Variants in CDC14A observed in about 807,000 individuals in gnomAD.
CDC14A encodes cell division cycle 14A.
In CDC14A, 53 loss-of-function variants were observed where a neutral mutation model predicts 74.4. The ratio of observed to expected loss-of-function variants is 0.71; its 90% confidence interval spans 0.57 to 0.89. The LOEUF (loss-of-function observed/expected upper bound fraction) is 0.89. Ranked by LOEUF, CDC14A falls within the 40% of genes least tolerant of loss-of-function variation. The pLI, the probability that CDC14A is intolerant of heterozygous loss-of-function variation, is 0.00. For synonymous variants in CDC14A, 247 were observed against 258.4 expected, an observed-to-expected ratio of 0.96 and a Z score of 0.43; for missense variants, 646 against 713.7, an observed-to-expected ratio of 0.91 and a Z score of 1.08.
intron 4 of CDC14A, among the ~76,000 whole-genome samples, chr1:100,416,912 GT>G (rs992686512): frequency 1.3e-5 from 2 of 152,138 alleles, no homozygotes; most frequent in African/African-American, 4.8e-5. Flanking sequence ...CTGTGTCTAT[GT>G]CATGCTTCCC....
chr1:100,517,314 A>T (rs1470155115), intron 15 of CDC14A, among the ~76,000 whole-genome samples: 1 of 152,252 alleles, frequency 6.6e-6, no homozygotes, highest in Non-Finnish European at 1.5e-5. Flanking sequence ...CCTGTTAATG[A>T]AATGTTACAG....
intron 4 of CDC14A, among the ~76,000 whole-genome samples, chr1:100,412,528 C>T (rs1660847558): frequency 6.7e-6 from 1 of 149,054 alleles, no homozygotes; most frequent in Non-Finnish European, 1.5e-5. Flanking sequence ...ACCAGGAAAC[C>T]TGCCATTCAA....
chr1:100,482,004 C>T (rs1430808675), intron 10 of CDC14A, among the ~76,000 whole-genome samples: 2 of 152,192 alleles, frequency 1.3e-5, no homozygotes, highest in African/African-American at 2.4e-5. Context: ...TTGCGTACAG[C>T]ATTGCTTAGC....
chr1:100,412,724 T>TATATATATATA (rs1660956964), intron 4 of CDC14A, among the ~76,000 whole-genome samples: 1 of 75,362 alleles, frequency 1.3e-5, no homozygotes, highest in African/African-American at 1.3e-4. Context: ...ATATATATAT[T>TATATATATATA]TTATATATAT....
At chr1:100,509,569 T>G (rs1649538665) in intron 15 of CDC14A, among the ~76,000 whole-genome samples, 1 of 152,216 alleles carries the variant, frequency 6.6e-6, no homozygotes, top group Non-Finnish European at 1.5e-5. Context: ...TGTCAGATCT[T>G]TAACTTAGAA....
intron 9 of CDC14A, among the ~76,000 whole-genome samples, chr1:100,464,328 C>T (rs1192930963): frequency 6.7e-6 from 1 of 148,186 alleles, no homozygotes; most frequent in Admixed American, 6.7e-5. Flanking sequence ...GGCGTGGAGT[C>T]TGTTAGGAAG....
intron 3 of CDC14A, among the ~76,000 whole-genome samples, chr1:100,382,413 G>GTTTTTTTTTTTTTTT (rs1557699718): frequency 8.4e-6 from 1 of 119,438 alleles, no homozygotes; most frequent in African/African-American, 3.8e-5. Context: ...TTTTTTTTTA[G>GTTTTTTTTTTTTTTT]TTTTTGTAGA....
At chr1:100,436,984 C>T (rs1664415589) in intron 5 of CDC14A, among the ~76,000 whole-genome samples, 1 of 152,046 alleles carries the variant, frequency 6.6e-6, no homozygotes, top group Admixed American at 6.6e-5. Context: ...TCAGGAGTTC[C>T]AGACCAGTCT....
rs143117380 is a variant in CDC14A, at chr1:100,499,042, C to T, written c.1535C>T (p.Pro512Leu). The T allele has an allele frequency of 1.1e-4, 171 of 1,614,026 alleles. 1 individual carries two copies. The highest frequency in any genetic ancestry group is 5.5e-5 in the South Asian group (5 of 91,088). Residue 512 changes from proline to leucine, a missense_variant, in exon 15 of 16, where the codon CCG becomes CTG. Physicochemically the swap from Pro to Leu is moderately conservative, Grantham distance 98 (BLOSUM62 -3). Transcript: ENST00000336454. The stretch of plus-strand genomic sequence containing the variant: ...TCTAAGGCAGGCTTCACAGCCAGCC[C>T]GTTTACCAACCTCTTGAATGGCAGC... ...SSSKAGFTAS[P>L]FTNLLNGSSQ...
intron 9 of CDC14A, among the ~76,000 whole-genome samples, chr1:100,463,847 C>T (rs1204401221): frequency 3.9e-5 from 6 of 152,098 alleles, no homozygotes; most frequent in Admixed American, 1.3e-4. Context: ...TCACTAGGGC[C>T]GCCCTGGGCT....
chr1:100,377,865 T>TAAGA (rs1382748811), intron 3 of CDC14A, among the ~76,000 whole-genome samples: 1 of 152,350 alleles, frequency 6.6e-6, no homozygotes, highest in South Asian at 2.1e-4. Flanking sequence ...AATAGTGATC[T>TAAGA]AAGAAAGAAA....
chr1:100,449,968 T>C (rs958480815), intron 7 of CDC14A, among the ~76,000 whole-genome samples: 1 of 152,202 alleles, frequency 6.6e-6, no homozygotes, highest in Non-Finnish European at 1.5e-5. Flanking sequence ...CTTCAAATGA[T>C]GTTTCTTTTA....
At chr1:100,483,798 A>G (rs928138943) in intron 10 of CDC14A, among the ~76,000 whole-genome samples, 9 of 151,984 alleles carry the variant, frequency 5.9e-5, no homozygotes, top group African/African-American at 1.4e-4. Flanking sequence ...GTAGGTTTTT[A>G]AAGTTATGTG....
At chr1:100,443,615 A>G (rs1022522606) in intron 7 of CDC14A, among the ~76,000 whole-genome samples, 1 of 152,052 alleles carries the variant, frequency 6.6e-6, no homozygotes, top group Non-Finnish European at 1.5e-5. Context: ...GATTACAGGC[A>G]TGAGCCACCA....
intron 1 of CDC14A, among the ~76,000 whole-genome samples, chr1:100,347,353 AC>A (rs1188416602): frequency 6.6e-6 from 1 of 152,006 alleles, no homozygotes; most frequent in African/African-American, 2.4e-5. Flanking sequence ...TTCCACTCCT[AC>A]CCCCATATTG....
At position 100,510,822 on chromosome 1, in the gene CDC14A, C is replaced by T. The variant is rs76298305; in HGVS notation, c.1756-7429C>T. Among the ~76,000 whole-genome samples, 347 of 152,252 alleles carry T rather than the reference C, an allele frequency of 2.3e-3. 1 individual carries two copies. Among genetic ancestry groups the T allele is most frequent in the African/African-American group, 8.1e-3 (338 of 41,562 alleles). On this transcript the variant is annotated intron_variant, in intron 15 of 15. Transcript: ENST00000336454. ...CAGTGCTCCTAATTAGTTGTTTTAT[C>T]CCTTTTTGGCTCCTTTTCTCTTCCC...
At chr1:100,515,817 A>G (rs1170726817) in intron 15 of CDC14A, among the ~76,000 whole-genome samples, 3 of 152,248 alleles carry the variant, frequency 2.0e-5, no homozygotes, top group Non-Finnish European at 2.9e-5. Context: ...TTTATACCAT[A>G]TAAAGAAACC....
chr1:100,480,471 CT>C (rs1557807152), intron 10 of CDC14A, among the ~76,000 whole-genome samples: 1 of 152,112 alleles, frequency 6.6e-6, no homozygotes. Flanking sequence ...ACACAAGTAT[CT>C]ATTTGAATCC....
intron 11 of CDC14A, among the ~76,000 whole-genome samples, chr1:100,493,985 A>T (rs1416287565): frequency 6.6e-6 from 1 of 152,212 alleles, no homozygotes; most frequent in Non-Finnish European, 1.5e-5. Flanking sequence ...TTGATTTTTC[A>T]GTTGAGGAAA....
Sources: allele counts gnomAD v4.1 joint callset (sites outside exome capture counted in the v4.1 genomes callset), GRCh38; gene constraint gnomAD v4.1.1; transcripts MANE v1.5; gene names NCBI Gene and HGNC (gene_info 2026-07-23, HGNC 2026-07-21).